NAALADL2: variants seen among roughly 807,000 people sequenced by gnomAD.
NAALADL2 encodes inactive N-acetylated-alpha-linked acidic dipeptidase-like protein 2.
In NAALADL2, 76 loss-of-function variants were observed where a neutral mutation model predicts 87.2. That is an observed-to-expected ratio of 0.87 (90% CI 0.72 to 1.05). The LOEUF (loss-of-function observed/expected upper bound fraction) is 1.05. NAALADL2 is among the 50% of genes least tolerant of loss of function. The pLI, the probability that NAALADL2 is intolerant of heterozygous loss-of-function variation, is 0.00. For synonymous variants in NAALADL2, 354 were observed against 331.0 expected (o/e 1.07, Z -0.75); for missense variants, 1,089 against 945.8 (o/e 1.15, Z -1.99).
chr3:175,759,135 G>A (rs1747657047), intron 13 of NAALADL2, among the ~76,000 whole-genome samples: 1 of 152,054 alleles, frequency 6.6e-6, no homozygotes, highest in African/African-American at 2.4e-5. Flanking sequence ...CTCATTGAAC[G>A]CTGCTCTGTT....
At chr3:175,237,047 T>C (rs1746028280) in intron 3 of NAALADL2, among the ~76,000 whole-genome samples, 1 of 152,200 alleles carries the variant, frequency 6.6e-6, no homozygotes, top group Admixed American at 6.5e-5. Flanking sequence ...CAACTGAATG[T>C]CATCTCATTT....
intron 2 of NAALADL2, among the ~76,000 whole-genome samples, chr3:175,160,203 T>C (rs950347303): frequency 6.6e-6 from 1 of 151,778 alleles, no homozygotes; most frequent in Admixed American, 6.6e-5. Context: ...ACAGTGGTAG[T>C]TTTGATTATA....
intron 1 of NAALADL2, among the ~76,000 whole-genome samples, chr3:174,882,662 CATATACACATATGTGT>C (rs1164692906): frequency 0.038 from 4,327 of 114,456 alleles, 300 homozygotes; most frequent in African/African-American, 0.14. Context: ...CACATATGTG[CATATACACATATGTGT>C]ATATGTGTAT....
At chr3:174,895,390 A>G (rs115477736) in intron 1 of NAALADL2, among the ~76,000 whole-genome samples, 2,696 of 152,246 alleles carry the variant, frequency 0.018, 76 homozygotes, top group African/African-American at 0.061. Context: ...ATTAGTGGCT[A>G]CTATGAGCAG....
At chr3:174,671,456 C>T (rs1447643212) in intron 2 of NAALADL2, among the ~76,000 whole-genome samples, 1 of 151,986 alleles carries the variant, frequency 6.6e-6, no homozygotes, top group African/African-American at 2.4e-5. Context: ...AGACACAACC[C>T]CTGCAGGCTT....
intron 2 of NAALADL2, among the ~76,000 whole-genome samples, chr3:174,671,463 G>T (rs477346): frequency 0.64 from 97,027 of 151,896 alleles, 31,718 homozygotes; most frequent in Admixed American, 0.72. Context: ...ACCCCTGCAG[G>T]CTTGGGGCTT....
intron 5 of NAALADL2, among the ~76,000 whole-genome samples, chr3:175,355,847 G>A (rs1270220390): frequency 6.6e-6 from 1 of 152,160 alleles, no homozygotes; most frequent in African/African-American, 2.4e-5. Context: ...GGTGGGTGTA[G>A]TAGTTACTAG....
intron 3 of NAALADL2, among the ~76,000 whole-genome samples, chr3:174,758,064 C>T (rs1166530074): frequency 1.3e-5 from 2 of 152,152 alleles, no homozygotes; most frequent in Non-Finnish European, 2.9e-5. Flanking sequence ...TTCTTTGCAG[C>T]TGCAGGAAGC....
intron 10 of NAALADL2, among the ~76,000 whole-genome samples, chr3:175,591,975 CAG>C (rs1414708660): frequency 6.6e-6 from 1 of 151,732 alleles, no homozygotes; most frequent in Non-Finnish European, 1.5e-5. Flanking sequence ...AATGATAAAT[CAG>C]AGAGGTAGTC....
At chr3:175,734,253 A>G (rs1192264788) in intron 11 of NAALADL2, among the ~76,000 whole-genome samples, 5 of 152,106 alleles carry the variant, frequency 3.3e-5, no homozygotes, top group African/African-American at 7.2e-5. Flanking sequence ...CATACACCTT[A>G]TGAAATCTAG....
chr3:175,139,062 A>G (rs561562327), intron 2 of NAALADL2, among the ~76,000 whole-genome samples: 1 of 151,354 alleles, frequency 6.6e-6, no homozygotes, highest in African/African-American at 2.4e-5. Flanking sequence ...TTTCTGTCCA[A>G]TGTTATATTA....
chr3:174,485,863 T>C (rs1717823150), intron 1 of NAALADL2, among the ~76,000 whole-genome samples: 1 of 152,054 alleles, frequency 6.6e-6, no homozygotes, highest in Admixed American at 6.6e-5. Flanking sequence ...TTTTATAGTT[T>C]TGGGTTTTAT....
chr3:174,664,227 G>T (rs1725762698), intron 2 of NAALADL2, among the ~76,000 whole-genome samples: 1 of 152,162 alleles, frequency 6.6e-6, no homozygotes, highest in African/African-American at 2.4e-5. Flanking sequence ...TACAATTTAA[G>T]TTTGAAACAA....
At chr3:175,733,193 A>G (rs920705309) in intron 11 of NAALADL2, among the ~76,000 whole-genome samples, 1 of 152,208 alleles carries the variant, frequency 6.6e-6, no homozygotes, top group Non-Finnish European at 1.5e-5. Context: ...TATAACTTTT[A>G]ATGTTGTATT....
chr3:175,423,168 AGG>A (rs56064189), intron 5 of NAALADL2, among the ~76,000 whole-genome samples: 38 of 141,470 alleles, frequency 2.7e-4, no homozygotes, highest in African/African-American at 9.5e-4. Context: ...TAAGAAAGGG[AGG>A]GGGGGGTCTC....
intron 5 of NAALADL2, among the ~76,000 whole-genome samples, chr3:175,423,490 C>G (rs1251802832): frequency 7.0e-6 from 1 of 143,756 alleles, no homozygotes; most frequent in Non-Finnish European, 1.5e-5. Context: ...TTGTTCAATT[C>G]CCACCTATGA....
At position 175,119,215 on chromosome 3, in the gene NAALADL2, T is replaced by A. The variant is rs151088041; in HGVS notation, c.545+21924T>A. Among the ~76,000 whole-genome samples, 59 of 151,654 alleles carry A rather than the reference T, an allele frequency of 3.9e-4. No homozygotes were observed. The East Asian group carries it at 0.011, about 27-fold the overall frequency. On this transcript the variant is annotated intron_variant, in intron 2 of 13. Transcript: ENST00000454872. Reference sequence around the variant, plus strand: ...GGATGAGAAATAATAAATAATAATATTCAGTGAAATGATAAAGTTTGAATA... The same window carrying A: ...GGATGAGAAATAATAAATAATAATAATCAGTGAAATGATAAAGTTTGAATA...
chr3:175,742,067 T>A (rs1033817540), intron 12 of NAALADL2, among the ~76,000 whole-genome samples: 4 of 152,186 alleles, frequency 2.6e-5, no homozygotes, highest in Admixed American at 2.6e-4. Flanking sequence ...TTTACAGGAA[T>A]AGTCGCTTAT....
At chr3:175,178,221 G>A (rs1180471160) in intron 2 of NAALADL2, among the ~76,000 whole-genome samples, 2 of 151,912 alleles carry the variant, frequency 1.3e-5, no homozygotes, top group African/African-American at 4.8e-5. Flanking sequence ...TAAGTGCTTT[G>A]TTGGTGTTAG....
Sources: gnomAD v4.1 joint callset for allele counts (sites outside exome capture counted in the v4.1 genomes callset) on GRCh38, gnomAD v4.1.1 for gene constraint, MANE v1.5 for transcripts, NCBI Gene and HGNC (gene_info 2026-07-23, HGNC 2026-07-21) for gene names.